Variants in FAT3 observed in about 807,000 individuals in gnomAD.
FAT3 encodes the protein FAT atypical cadherin 3.
In FAT3, 95 loss-of-function variants were observed where a neutral mutation model predicts 310.2. That is an observed-to-expected ratio of 0.31 (90% CI 0.26 to 0.36). FAT3 has a LOEUF of 0.36. Among genes scored for constraint, FAT3 ranks in the 10% least tolerant of loss-of-function variants. FAT3 has a pLI of 1.00. For missense variants in FAT3, 5,408 were observed against 5,715.6 expected (o/e 0.95, Z 1.74); for synonymous variants, 2,314 against 2,192.9 (o/e 1.06, Z -1.54).
intron 2 of FAT3, among the ~76,000 whole-genome samples, chr11:92,383,273 A>C (rs1016316364): frequency 2.0e-5 from 3 of 152,178 alleles, no homozygotes; most frequent in Non-Finnish European, 4.4e-5. Flanking sequence ...TGTCCTTGCT[A>C]TTGTGAATAC....
rs1951201378 is a variant in FAT3, at chr11:92,446,086, A to G, written c.3293-78548A>G. Among the ~76,000 whole-genome samples the G allele has an allele frequency of 2.6e-5, 4 of 152,202 alleles. 1 individual carries two copies. The South Asian group carries it at 8.3e-4, about 31-fold the overall frequency. On this transcript the variant is annotated intron_variant, in intron 2 of 27. Transcript: ENST00000525166. ...GTCATGTGCAGTCAAATATATATGC[A>G]ATATTTCATTGACCTAAAGTCACTG...
At chr11:92,474,643 G>C (rs1185392134) in intron 2 of FAT3, among the ~76,000 whole-genome samples, 1 of 152,158 alleles carries the variant, frequency 6.6e-6, no homozygotes, top group Non-Finnish European at 1.5e-5. Flanking sequence ...GGAGCTCAGA[G>C]CCTGGGGTGA....
At chr11:92,427,298 T>C (rs1339064577) in intron 2 of FAT3, among the ~76,000 whole-genome samples, 1 of 152,250 alleles carries the variant, frequency 6.6e-6, no homozygotes, top group East Asian at 1.9e-4. Context: ...TTTCTAAATA[T>C]ACAATCCTGT....
intron 4 of FAT3, among the ~76,000 whole-genome samples, chr11:92,744,588 C>G (rs1371150051): frequency 6.6e-6 from 1 of 152,102 alleles, no homozygotes; most frequent in East Asian, 1.9e-4. Context: ...AAGTACTTTT[C>G]TATTCTAAGA....
intron 3 of FAT3, among the ~76,000 whole-genome samples, chr11:92,563,544 G>T (rs940048987): frequency 6.6e-6 from 1 of 152,094 alleles, no homozygotes; most frequent in African/African-American, 2.4e-5. Context: ...ATATGAATGA[G>T]GATAGGCTCA....
intron 3 of FAT3, among the ~76,000 whole-genome samples, chr11:92,632,923 A>G (rs1197723280): frequency 1.3e-5 from 2 of 151,950 alleles, no homozygotes; most frequent in Admixed American, 6.6e-5. Flanking sequence ...TGCCCCTAAC[A>G]AAGTGGCTCA....
At chr11:92,514,593 A>C (rs185367877) in intron 2 of FAT3, among the ~76,000 whole-genome samples, 1 of 152,284 alleles carries the variant, frequency 6.6e-6, no homozygotes, top group Admixed American at 6.5e-5. Context: ...TATTTTTTAA[A>C]TGAGGTGTTC....
chr11:92,592,248 C>T (rs569743865), intron 3 of FAT3, among the ~76,000 whole-genome samples: 1 of 149,702 alleles, frequency 6.7e-6, no homozygotes, highest in East Asian at 2.0e-4. Context: ...CAGTTTTAAA[C>T]TTATCTAATC....
At chr11:92,234,785 C>T (rs1215068799) in intron 1 of FAT3, among the ~76,000 whole-genome samples, 1 of 151,758 alleles carries the variant, frequency 6.6e-6, no homozygotes, top group Non-Finnish European at 1.5e-5. Flanking sequence ...GCCTGTAATC[C>T]CAGCTACTCA....
intron 2 of FAT3, among the ~76,000 whole-genome samples, chr11:92,415,735 G>A (rs939811002): frequency 2.0e-5 from 3 of 151,826 alleles, no homozygotes; most frequent in Admixed American, 6.6e-5. Context: ...GCTTTGCAAC[G>A]TGCAAATGGG....
At chr11:92,774,702 T>C (rs556372325) in intron 7 of FAT3, among the ~76,000 whole-genome samples, 1 of 152,288 alleles carries the variant, frequency 6.6e-6, no homozygotes, top group Non-Finnish European at 1.5e-5. Flanking sequence ...TTCTAGCCTC[T>C]TTGTCCTTGC....
At chr11:92,722,898 G>A (rs1305971853) in intron 4 of FAT3, among the ~76,000 whole-genome samples, 1 of 152,102 alleles carries the variant, frequency 6.6e-6, no homozygotes, top group African/African-American at 2.4e-5. Flanking sequence ...ACACAGCATG[G>A]GGACCCTGGG....
At chr11:92,755,347 C>G (rs1015286944) in intron 4 of FAT3, among the ~76,000 whole-genome samples, 1 of 152,022 alleles carries the variant, frequency 6.6e-6, no homozygotes, top group African/African-American at 2.4e-5. Flanking sequence ...CTCAGCCTCC[C>G]GAGTATCTGG....
intron 2 of FAT3, among the ~76,000 whole-genome samples, chr11:92,362,564 C>A (rs145069039): frequency 5.9e-5 from 9 of 152,202 alleles, no homozygotes; most frequent in Non-Finnish European, 1.3e-4. Context: ...CTGGATGCAT[C>A]CCTCCACAGA....
intron 3 of FAT3, among the ~76,000 whole-genome samples, chr11:92,619,986 G>A (rs1777153183): frequency 6.6e-6 from 1 of 152,024 alleles, no homozygotes; most frequent in Non-Finnish European, 1.5e-5. Flanking sequence ...ATAGCTATCA[G>A]TTTTCCTCTA....
At position 92,890,507 on chromosome 11, in the gene FAT3, C is replaced by A. The variant is rs1172995985; in HGVS notation, c.13164C>A (p.Thr4388=). The A allele has an allele frequency of 6.2e-7, 1 of 1,612,680 alleles. No individual in the cohort carries two copies. ...QNYNRAYHWD[T]SDWMPGARLS... ...CTCTTGCAGCCTATCACTGGGACAC[C>A]TCTGATTGGATGCCAGGGGCCCGCC... The change falls in exon 28 of 28, where the codon ACC becomes ACA. Residue 4388 remains threonine (T), a synonymous_variant. Coordinates refer to ENST00000525166, the MANE Select transcript of FAT3 (RefSeq NM_001367949.2).
chr11:92,548,499 T>A (rs1204401487), intron 3 of FAT3, among the ~76,000 whole-genome samples: 1 of 152,208 alleles, frequency 6.6e-6, no homozygotes, highest in Non-Finnish European at 1.5e-5. Flanking sequence ...GAAAGGAAAT[T>A]CGCAAAATGA....
At chr11:92,707,467 G>A (rs1338525725) in intron 4 of FAT3, among the ~76,000 whole-genome samples, 2 of 152,156 alleles carry the variant, frequency 1.3e-5, no homozygotes, top group African/African-American at 4.8e-5. Flanking sequence ...TCAACCTCTG[G>A]CTGAGTTCTG....
chr11:92,700,260 G>A (rs139688496), intron 4 of FAT3, among the ~76,000 whole-genome samples: 1 of 152,322 alleles, frequency 6.6e-6, no homozygotes, highest in Non-Finnish European at 1.5e-5. Context: ...GATGAAGAGT[G>A]TAAAGGCAGA....
Sources: allele counts gnomAD v4.1 joint callset (sites outside exome capture counted in the v4.1 genomes callset), GRCh38; gene constraint gnomAD v4.1.1; transcripts MANE v1.5; gene names NCBI Gene and HGNC (gene_info 2026-07-23, HGNC 2026-07-21).